The following TBC1D23 variants were observed in gnomAD, a reference collection of about 807,000 sequenced individuals.
TBC1D23 encodes the protein TBC1 domain family member 23, also known as HCV non-structural protein 4A-transactivated protein 1.
A neutral mutation model predicts 91.4 loss-of-function variants in TBC1D23; 55 were observed. The observed-to-expected ratio is 0.60, with a 90% CI of 0.48 to 0.75. TBC1D23 has a LOEUF of 0.75. Ranked by LOEUF, TBC1D23 falls within the 30% of genes least tolerant of loss-of-function variation. The probability of loss-of-function intolerance (pLI) is 0.00; values close to 1 mark genes in which losing one functional copy is unlikely to be tolerated. For missense variants in TBC1D23, 725 were observed against 836.1 expected, an observed-to-expected ratio of 0.87 and a Z score of 1.64; for synonymous variants, 289 against 281.0, an observed-to-expected ratio of 1.03 and a Z score of -0.28.
At chr3:100,292,167 T>C (rs1471596036) in intron 5 of TBC1D23, among the ~76,000 whole-genome samples, 3 of 152,226 alleles carry the variant, frequency 2.0e-5, no homozygotes, top group Non-Finnish European at 4.4e-5. Context: ...AAATTCTACA[T>C]ATTTGTGTAA....
intron 4 of TBC1D23, among the ~76,000 whole-genome samples, chr3:100,287,535 G>A (rs1212943143): frequency 6.6e-6 from 1 of 152,190 alleles, no homozygotes; most frequent in Non-Finnish European, 1.5e-5. Flanking sequence ...TTCTGCCTTA[G>A]CATTCTTTTG....
chr3:100,310,013 T>G (rs1395477332), intron 13 of TBC1D23, among the ~76,000 whole-genome samples: 1 of 152,234 alleles, frequency 6.6e-6, no homozygotes, highest in Non-Finnish European at 1.5e-5. Flanking sequence ...TAAATTTATT[T>G]TCTTACTGTT....
intron 8 of TBC1D23, among the ~76,000 whole-genome samples, chr3:100,297,585 ATT>A (rs775098339): frequency 6.6e-6 from 1 of 152,186 alleles, no homozygotes; most frequent in Non-Finnish European, 1.5e-5. Context: ...TATGCAATAG[ATT>A]TCTGCCACAT....
At chr3:100,322,553 T>C (rs1055511828) in intron 18 of TBC1D23, among the ~76,000 whole-genome samples, 22 of 152,228 alleles carry the variant, frequency 1.4e-4, no homozygotes, top group Non-Finnish European at 2.5e-4. Context: ...TATGTTTACA[T>C]AGTTGTCCAA....
At chr3:100,294,089 A>T (rs1229049377) in intron 5 of TBC1D23, among the ~76,000 whole-genome samples, 1 of 152,164 alleles carries the variant, frequency 6.6e-6, no homozygotes, top group Admixed American at 6.5e-5. Context: ...AAAATTTTTT[A>T]AATTTAAACT....
chr3:100,305,857 A>C (rs1386167025), intron 12 of TBC1D23, among the ~76,000 whole-genome samples: 1 of 152,206 alleles, frequency 6.6e-6, no homozygotes, highest in East Asian at 1.9e-4. Context: ...GTTATTTATT[A>C]GGAATCCTGG....
chr3:100,277,141 A>T (rs2067654873), intron 1 of TBC1D23, among the ~76,000 whole-genome samples: 1 of 152,234 alleles, frequency 6.6e-6, no homozygotes, highest in South Asian at 2.1e-4. Flanking sequence ...TTAAAAGCAG[A>T]AACTTGGTTT....
At chr3:100,268,657 C>T (rs561104519) in intron 1 of TBC1D23, among the ~76,000 whole-genome samples, 2 of 152,274 alleles carry the variant, frequency 1.3e-5, no homozygotes, top group African/African-American at 4.8e-5. Context: ...TCGTGCCATT[C>T]TCTATCTTAG....
At chr3:100,286,968 C>G (rs1464905780) in intron 4 of TBC1D23, among the ~76,000 whole-genome samples, 1 of 151,912 alleles carries the variant, frequency 6.6e-6, no homozygotes, top group East Asian at 1.9e-4. Context: ...GCGTGTGCCA[C>G]CACACCCGGC....
intron 11 of TBC1D23, among the ~76,000 whole-genome samples, chr3:100,303,459 A>G (rs1440162479): frequency 2.0e-5 from 3 of 152,184 alleles, no homozygotes; most frequent in Non-Finnish European, 2.9e-5. Flanking sequence ...TCATTCATAA[A>G]TTTAACTGGT....
At chr3:100,261,453 A>G in intron 1 of TBC1D23, 1 of 224,518 alleles carries the variant, frequency 4.5e-6, no homozygotes, top group Non-Finnish European at 8.8e-6. Flanking sequence ...TCACTAAAAT[A>G]CAATGTGAAG....
chr3:100,310,512 T>G lies in TBC1D23; in HGVS notation c.1523T>G (p.Phe508Cys). 1 of 1,613,620 alleles carries G rather than the reference T, an allele frequency of 6.2e-7. No homozygotes were observed. The highest frequency in any genetic ancestry group is 8.5e-7 in the Non-Finnish European group (1 of 1,179,740). Residue 508 changes from phenylalanine (F) to cysteine (C), a missense_variant, in exon 14 of 19, where the codon TTT (phenylalanine) becomes TGT (cysteine). Physicochemically the swap from Phe to Cys is radical, Grantham distance 205 (BLOSUM62 -2). Coordinates refer to ENST00000394144, the MANE Select transcript of TBC1D23 (RefSeq NM_001199198.3). ...SVNVREKVIS[F>C]IENTSTPVDR... The stretch of plus-strand genomic sequence containing the variant: ...AATGTCAGGGAAAAAGTTATCAGTT[T>G]TATAGAGAATACATCAACTCCTGTG...
At position 100,279,640 on chromosome 3, in the gene TBC1D23, A is replaced by G; in HGVS notation, c.54-9A>G. The G allele has an allele frequency of 6.4e-7, 1 of 1,556,208 alleles. No individual in the cohort carries two copies. Among genetic ancestry groups the G allele is most frequent in the Non-Finnish European group, 8.8e-7 (1 of 1,138,378 alleles). ...AAGTTCATTTTAATAAATAGGACTTATTTTTTAGGGAAAAAGATCTTGAAG... is the reference window on the plus strand; with the variant it reads ...AAGTTCATTTTAATAAATAGGACTTGTTTTTTAGGGAAAAAGATCTTGAAG... On this transcript the variant is annotated splice_polypyrimidine_tract_variant and intron_variant, in intron 1 of 18. Coordinates refer to ENST00000394144, the MANE Select transcript of TBC1D23 (RefSeq NM_001199198.3).
At position 100,283,820 on chromosome 3, in the gene TBC1D23, T is replaced by C. The variant is rs759927639; in HGVS notation, c.476+9T>C. ...AATAAGTACATTCCCAGGTAAAATA[T>C]GATTCAGTTATTGTAGTTTTTAAAA... On this transcript the variant is annotated intron_variant, in intron 4 of 18. Coordinates refer to ENST00000394144, the MANE Select transcript of TBC1D23 (RefSeq NM_001199198.3). 2.3e-5 allele frequency: 37 copies of C among 1,576,610 alleles called. No homozygotes were observed. The highest frequency in any genetic ancestry group is 6.7e-5 in the Admixed American group (4 of 59,780).
At chr3:100,319,926 T>C (rs1370210749) in intron 17 of TBC1D23, among the ~76,000 whole-genome samples, 1 of 152,158 alleles carries the variant, frequency 6.6e-6, no homozygotes, top group Non-Finnish European at 1.5e-5. Context: ...TTCAATGCCA[T>C]TACCCCACCT....
chr3:100,285,117 C>T (rs531662147), intron 4 of TBC1D23, among the ~76,000 whole-genome samples: 11 of 152,160 alleles, frequency 7.2e-5, no homozygotes, highest in Admixed American at 2.0e-4. Flanking sequence ...TTTTAAATAA[C>T]GACTTTATTG....
intron 13 of TBC1D23, among the ~76,000 whole-genome samples, chr3:100,308,557 T>G (rs1705560156): frequency 6.6e-6 from 1 of 152,094 alleles, no homozygotes; most frequent in African/African-American, 2.4e-5. Context: ...GAAAATAAAA[T>G]CACCTGTAGC....
intron 5 of TBC1D23, among the ~76,000 whole-genome samples, chr3:100,292,950 A>G (rs1217137064): frequency 6.6e-6 from 1 of 151,992 alleles, no homozygotes; most frequent in Non-Finnish European, 1.5e-5. Context: ...GAATCTACCT[A>G]TTTATGTTAA....
intron 11 of TBC1D23, among the ~76,000 whole-genome samples, chr3:100,303,114 C>G (rs1338032853): frequency 6.6e-6 from 1 of 152,166 alleles, no homozygotes; most frequent in African/African-American, 2.4e-5. Flanking sequence ...AAATGTCACT[C>G]AGTGATGGCT....
Sources: allele counts gnomAD v4.1 joint callset (sites outside exome capture counted in the v4.1 genomes callset), GRCh38; gene constraint gnomAD v4.1.1; transcripts MANE v1.5; gene names NCBI Gene and HGNC (gene_info 2026-07-23, HGNC 2026-07-21).